The following DCC variants were observed in gnomAD, a reference collection of about 807,000 sequenced individuals.
DCC encodes the protein netrin receptor DCC.
DCC carries 58 observed loss-of-function variants against 172.5 expected under a neutral mutation model. The ratio of observed to expected loss-of-function variants is 0.34; its 90% CI spans 0.27 to 0.42. The LOEUF (loss-of-function observed/expected upper bound fraction) is 0.42, where lower values mean the gene tolerates loss of function less well. Ranked by LOEUF, DCC falls within the 10% of genes least tolerant of loss-of-function variation. The pLI is 1.00. For missense variants in DCC, 1,740 were observed against 1,791.0 expected, an observed-to-expected ratio of 0.97 and a Z score of 0.51; for synonymous variants, 709 against 644.5, an observed-to-expected ratio of 1.10 and a Z score of -1.52.
intron 7 of DCC, among the ~76,000 whole-genome samples, chr18:53,086,732 C>T (rs1274101623): frequency 8.9e-6 from 1 of 112,100 alleles, no homozygotes; most frequent in Non-Finnish European, 2.0e-5. Context: ...GGTATATCTC[C>T]CAATGCTATC....
At chr18:53,346,548 C>T (rs1037617904) in intron 15 of DCC, among the ~76,000 whole-genome samples, 2 of 152,128 alleles carry the variant, frequency 1.3e-5, no homozygotes, top group African/African-American at 4.8e-5. Context: ...TAAATTCCTT[C>T]ATTACCTCTA....
intron 5 of DCC, among the ~76,000 whole-genome samples, chr18:52,944,644 G>A (rs1362440650): frequency 2.0e-5 from 3 of 152,296 alleles, no homozygotes; most frequent in Middle Eastern, 3.4e-3. Context: ...GATCACATGG[G>A]AAATAGGTTA....
intron 15 of DCC, among the ~76,000 whole-genome samples, chr18:53,345,064 C>G (rs1171246819): frequency 6.6e-6 from 1 of 151,696 alleles, no homozygotes; most frequent in Non-Finnish European, 1.5e-5. Flanking sequence ...AATACATACA[C>G]AAATAAACAT....
At chr18:53,208,047 T>C (rs2055681416) in intron 11 of DCC, among the ~76,000 whole-genome samples, 1 of 151,778 alleles carries the variant, frequency 6.6e-6, no homozygotes, top group African/African-American at 2.4e-5. Context: ...GAGGATGAGT[T>C]AAGCCTAGGA....
At chr18:52,695,407 G>A (rs759750146) in intron 1 of DCC, among the ~76,000 whole-genome samples, 1 of 152,198 alleles carries the variant, frequency 6.6e-6, no homozygotes, top group Non-Finnish European at 1.5e-5. Context: ...TTGGATGATA[G>A]AGAGGGTTGA....
At chr18:52,387,837 T>A (rs1985874199) in intron 1 of DCC, among the ~76,000 whole-genome samples, 1 of 152,044 alleles carries the variant, frequency 6.6e-6, no homozygotes, top group South Asian at 2.1e-4. Context: ...TCTCTTTACA[T>A]TTTGCTTTGG....
intron 1 of DCC, among the ~76,000 whole-genome samples, chr18:52,465,191 G>T (rs1988749178): frequency 6.6e-6 from 1 of 152,056 alleles, no homozygotes; most frequent in African/African-American, 2.4e-5. Flanking sequence ...TACAAATTAG[G>T]AGGGACCACC....
Position 53,312,383 on chromosome 18 carries a change from A to T in DCC, c.2053+6664A>T, listed in dbSNP as rs539232569. On this transcript the variant is annotated intron_variant, in intron 13 of 28. Transcript: ENST00000442544. Reference sequence around the variant, plus strand: ...AAAAAAGAAAAAGAAAAAGATAAAGATTACCATACAGCTAGAGGAGCTGAC... The same window carrying T: ...AAAAAAGAAAAAGAAAAAGATAAAGTTTACCATACAGCTAGAGGAGCTGAC... 2.0e-5 allele frequency among the ~76,000 whole-genome samples: 3 copies of T among 148,932 alleles called. No individual in the cohort carries two copies. In the East Asian group the frequency reaches 6.0e-4, roughly 30 times the overall value.
chr18:52,812,306 C>G (rs1372402214), intron 2 of DCC, among the ~76,000 whole-genome samples: 1 of 152,016 alleles, frequency 6.6e-6, no homozygotes, highest in Non-Finnish European at 1.5e-5. Context: ...TTTCCCTTTC[C>G]AATGATCAAT....
At chr18:52,532,448 C>T (rs2032178126) in intron 1 of DCC, among the ~76,000 whole-genome samples, 1 of 152,050 alleles carries the variant, frequency 6.6e-6, no homozygotes, top group African/African-American at 2.4e-5. Context: ...AGTATGTGTT[C>T]AAAGTACAAA....
chr18:52,983,655 T>A (rs2041247796), intron 5 of DCC, among the ~76,000 whole-genome samples: 1 of 152,142 alleles, frequency 6.6e-6, no homozygotes, highest in African/African-American at 2.4e-5. Flanking sequence ...CAGCATACCA[T>A]TACACATATA....
chr18:53,251,177 C>T (rs1272526287), intron 12 of DCC, among the ~76,000 whole-genome samples: 2 of 151,938 alleles, frequency 1.3e-5, no homozygotes, highest in Admixed American at 6.6e-5. Context: ...TGCTTTCTGA[C>T]AGATGTTGTT....
chr18:53,009,197 A>G (rs1195479921), intron 5 of DCC, among the ~76,000 whole-genome samples: 1 of 151,900 alleles, frequency 6.6e-6, no homozygotes, highest in African/African-American at 2.4e-5. Flanking sequence ...TGTCTTTCTT[A>G]TTTATTTAAA....
chr18:52,980,148 C>T (rs1425994525), intron 5 of DCC, among the ~76,000 whole-genome samples: 1 of 152,140 alleles, frequency 6.6e-6, no homozygotes, highest in Non-Finnish European at 1.5e-5. Flanking sequence ...AAAAGATATG[C>T]ATTCTTTATT....
At chr18:53,204,802 G>T (rs1355345946) in intron 9 of DCC, among the ~76,000 whole-genome samples, 1 of 152,078 alleles carries the variant, frequency 6.6e-6, no homozygotes, top group Non-Finnish European at 1.5e-5. Flanking sequence ...ATTATAAGTA[G>T]AACCATAATA....
chr18:52,859,740 C>T (rs111514853), intron 2 of DCC, among the ~76,000 whole-genome samples: 1,698 of 152,278 alleles, frequency 0.011, 24 homozygotes, highest in African/African-American at 0.036. Context: ...CTTCTGTTTG[C>T]AGGCCCTCTG....
intron 7 of DCC, among the ~76,000 whole-genome samples, chr18:53,110,506 A>T (rs2043314524): frequency 6.6e-6 from 1 of 151,882 alleles, no homozygotes; most frequent in Non-Finnish European, 1.5e-5. Context: ...ATCTAAATCC[A>T]GCAGAGACGT....
At position 52,586,732 on chromosome 18, in the gene DCC, T is replaced by C. The variant is rs1292263368; in HGVS notation, c.92-165322T>C. Reference sequence around the variant, plus strand: ...TGGCTATGGGAGAAACAGGACCATATATAGGATGCTGATTCAGAGCATACA... The same window carrying C: ...TGGCTATGGGAGAAACAGGACCATACATAGGATGCTGATTCAGAGCATACA... On this transcript the variant is annotated intron_variant, in intron 1 of 28. Coordinates refer to ENST00000442544, the MANE Select transcript of DCC (RefSeq NM_005215.4). Among the ~76,000 whole-genome samples, 3 of 152,192 alleles carry C rather than the reference T, an allele frequency of 2.0e-5. No homozygotes were observed. The East Asian group carries it at 5.8e-4, about 29-fold the overall frequency.
intron 1 of DCC, among the ~76,000 whole-genome samples, chr18:52,370,877 A>G (rs1985092155): frequency 6.6e-6 from 1 of 152,246 alleles, no homozygotes; most frequent in Admixed American, 6.5e-5. Flanking sequence ...GAGTGTCTCA[A>G]GGAAATCATT....
Sources: allele counts gnomAD v4.1 joint callset (sites outside exome capture counted in the v4.1 genomes callset), GRCh38; gene constraint gnomAD v4.1.1; transcripts MANE v1.5; gene names NCBI Gene and HGNC (gene_info 2026-07-23, HGNC 2026-07-21).